The following TTC27 variants were observed in gnomAD, a reference collection of about 807,000 sequenced individuals.
The protein encoded by TTC27 is tetratricopeptide repeat domain 27.
In TTC27, 79 loss-of-function variants were observed where a neutral mutation model predicts 115.9. That is an observed-to-expected ratio of 0.68 (90% CI 0.57 to 0.82). TTC27 has a LOEUF of 0.82. Ranked by LOEUF, TTC27 falls within the 40% of genes least tolerant of loss-of-function variation. The pLI is 0.00. For missense variants in TTC27, 1,054 were observed against 993.1 expected, an observed-to-expected ratio of 1.06 and a Z score of -0.82; for synonymous variants, 401 against 356.0, an observed-to-expected ratio of 1.13 and a Z score of -1.42.
At position 32,786,968 on chromosome 2, in the gene TTC27, A is replaced by C. The variant is rs777639255; in HGVS notation, c.1833-16A>C. ...AGAGTTCATTATTGCTCTCTTTAAA[A>C]TTTGACCTTCAATAGAGTAAAAGCT... On this transcript the variant is annotated splice_polypyrimidine_tract_variant and intron_variant, in intron 15 of 19. Coordinates refer to ENST00000317907, the MANE Select transcript of TTC27 (RefSeq NM_017735.5). 5.3e-5 allele frequency: 84 copies of C among 1,593,980 alleles called. No homozygotes were observed. In the Admixed American group the frequency reaches 1.5e-3, roughly 29 times the overall value.
rs1671687448 is a variant in TTC27 at position 32,821,041 on chromosome 2, T to C, written c.*103T>C. 5.2e-6 allele frequency: 6 copies of C among 1,163,622 alleles called. No individual in the cohort carries two copies. The East Asian group carries it at 1.8e-4, about 35-fold the overall frequency. The allele number at this position is 1,163,622 out of a possible 1,614,324, so 72.1% of individuals were successfully genotyped here. On this transcript the variant is annotated 3_prime_UTR_variant, in exon 20 of 20. Transcript: ENST00000317907. ...TATTGATTTTTAAAATAAATTTGTTTTATGACTTAACATTCTTGGTTTTGT... is the reference window on the plus strand; with the variant it reads ...TATTGATTTTTAAAATAAATTTGTTCTATGACTTAACATTCTTGGTTTTGT...
At chr2:32,784,014 CT>C (rs1417256292) in intron 15 of TTC27, among the ~76,000 whole-genome samples, 1 of 152,188 alleles carries the variant, frequency 6.6e-6, no homozygotes, top group Non-Finnish European at 1.5e-5. Flanking sequence ...TTCTACCATT[CT>C]CTTTAGAAGA....
At chr2:32,649,394 G>A (rs898372951) in intron 4 of TTC27, among the ~76,000 whole-genome samples, 19 of 151,696 alleles carry the variant, frequency 1.3e-4, no homozygotes, top group Non-Finnish European at 2.7e-4. Context: ...AAAATACAGT[G>A]GAATGTGTTT....
intron 3 of TTC27, among the ~76,000 whole-genome samples, chr2:32,639,352 TA>T (rs566059759): frequency 7.2e-5 from 11 of 152,124 alleles, no homozygotes; most frequent in Non-Finnish European, 1.2e-4. Context: ...TTGTCCATTG[TA>T]AAAAAATCTC....
intron 16 of TTC27, among the ~76,000 whole-genome samples, chr2:32,805,276 G>A (rs769551424): frequency 3.9e-4 from 59 of 152,166 alleles, no homozygotes; most frequent in Non-Finnish European, 8.1e-4. Flanking sequence ...CACAGAGCAT[G>A]TGGCACATAG....
intron 12 of TTC27, among the ~76,000 whole-genome samples, chr2:32,754,289 C>T (rs973060514): frequency 1.3e-5 from 2 of 150,642 alleles, no homozygotes; most frequent in South Asian, 2.1e-4. Flanking sequence ...GAGGACCCTT[C>T]GGCCTTCCGC....
intron 3 of TTC27, among the ~76,000 whole-genome samples, chr2:32,639,230 A>G (rs1214184765): frequency 1.3e-5 from 2 of 152,346 alleles, no homozygotes; most frequent in East Asian, 3.9e-4. Flanking sequence ...GAAGCAGAGA[A>G]AGGACACTGT....
chr2:32,791,108 T>G (rs536812737), intron 16 of TTC27, among the ~76,000 whole-genome samples: 1 of 152,218 alleles, frequency 6.6e-6, no homozygotes, highest in Non-Finnish European at 1.5e-5. Flanking sequence ...TTTTTATTCA[T>G]CTATCATAAA....
At chr2:32,763,234 C>G (rs552926715) in intron 13 of TTC27, among the ~76,000 whole-genome samples, 8 of 152,166 alleles carry the variant, frequency 5.3e-5, no homozygotes, top group Non-Finnish European at 1.0e-4. Flanking sequence ...TACAGAACTA[C>G]TACAAGATGC....
In TTC27 at chr2:32,640,413, A is replaced by G; in HGVS notation, c.537+3A>G. 4 of 1,613,134 alleles carry G rather than the reference A, an allele frequency of 2.5e-6. No individual in the cohort carries two copies. Among genetic ancestry groups the G allele is most frequent in the Non-Finnish European group, 3.4e-6 (4 of 1,179,878 alleles). On this transcript the variant is annotated splice_donor_region_variant and intron_variant, in intron 4 of 19. Coordinates refer to ENST00000317907, the MANE Select transcript of TTC27 (RefSeq NM_017735.5). ...GACATAAACTGACAGCTATTCAGGT[A>G]AGGAAAGGATCCATGAGATTCATAC...
intron 12 of TTC27, among the ~76,000 whole-genome samples, chr2:32,740,414 A>G (rs979808310): frequency 1.4e-5 from 2 of 147,812 alleles, no homozygotes; most frequent in African/African-American, 5.0e-5. Flanking sequence ...AACAGCTAAG[A>G]CTTTTTTAGC....
At chr2:32,820,388 C>T (rs966440377) in intron 19 of TTC27, among the ~76,000 whole-genome samples, 12 of 152,120 alleles carry the variant, frequency 7.9e-5, no homozygotes, top group Admixed American at 2.6e-4. Flanking sequence ...TTTGTGGTCT[C>T]TGAGGCCTAA....
intron 4 of TTC27, among the ~76,000 whole-genome samples, chr2:32,648,855 T>A (rs13012552): frequency 0.083 from 12,600 of 151,588 alleles, 635 homozygotes; most frequent in Middle Eastern, 0.17. Context: ...TACCAAAAAA[T>A]ACAAAAATTA....
Position 32,660,347 on chromosome 2 carries a change from C to G in TTC27, c.641-3956C>G, listed in dbSNP as rs184302824. On this transcript the variant is annotated intron_variant, in intron 5 of 19. Coordinates refer to ENST00000317907, the MANE Select transcript of TTC27 (RefSeq NM_017735.5). ...AAATGTCTGCTCATATCTTTCAACC[C>G]AAATGCCCATCAATGATAGACTGGA... 3.0e-3 allele frequency among the ~76,000 whole-genome samples: 454 copies of G among 152,084 alleles called. 3 individuals are homozygous for G. The highest frequency in any genetic ancestry group is 4.1e-3 in the Non-Finnish European group (277 of 67,992).
At chr2:32,787,892 G>A (rs1670402299) in intron 16 of TTC27, among the ~76,000 whole-genome samples, 1 of 152,174 alleles carries the variant, frequency 6.6e-6, no homozygotes, top group South Asian at 2.1e-4. Flanking sequence ...TACATCCCTA[G>A]AAAGGGTAGG....
chr2:32,751,660 A>G (rs76138708), intron 12 of TTC27, among the ~76,000 whole-genome samples: 14,506 of 152,220 alleles, frequency 0.095, 846 homozygotes, highest in African/African-American at 0.16. Flanking sequence ...TAACCCTAAG[A>G]AGATGGGGTA....
At chr2:32,678,303 A>G (rs1666289699) in intron 8 of TTC27, among the ~76,000 whole-genome samples, 1 of 151,832 alleles carries the variant, frequency 6.6e-6, no homozygotes, top group African/African-American at 2.4e-5. Flanking sequence ...TAGTACACCA[A>G]TCGCATTTTA....
intron 8 of TTC27, among the ~76,000 whole-genome samples, chr2:32,675,634 T>C (rs1559200419): frequency 6.6e-6 from 1 of 152,216 alleles, no homozygotes; most frequent in Non-Finnish European, 1.5e-5. Context: ...GATTTGCATG[T>C]ACTAAGTTAC....
intron 13 of TTC27, 83 bp from the exon 14 acceptor site, chr2:32,777,799 T>C: frequency 7.7e-7 from 1 of 1,306,438 alleles, no homozygotes; most frequent in South Asian, 1.2e-5. Context: ...AGTGTGTTTG[T>C]TGATAGCATC....
Sources: gnomAD v4.1 joint callset for allele counts (sites outside exome capture counted in the v4.1 genomes callset) on GRCh38, gnomAD v4.1.1 for gene constraint, MANE v1.5 for transcripts, NCBI Gene and HGNC (gene_info 2026-07-23, HGNC 2026-07-21) for gene names.